ENDOU: variants seen among roughly 807,000 people sequenced by gnomAD.
ENDOU encodes the protein endonuclease, poly(U) specific.
In ENDOU, 49 loss-of-function variants were observed where a neutral mutation model predicts 54.2. That is an observed-to-expected ratio of 0.90 (90% CI 0.72 to 1.15). ENDOU has a LOEUF of 1.15. Among genes scored for constraint, ENDOU ranks in the 50% most tolerant of loss-of-function variants. The pLI, the probability that ENDOU is intolerant of heterozygous loss-of-function variation, is 0.00. For synonymous variants in ENDOU, 172 were observed against 190.5 expected, an observed-to-expected ratio of 0.90 and a Z score of 0.80; for missense variants, 458 against 511.4, an observed-to-expected ratio of 0.90 and a Z score of 1.01.
At chr12:47,712,774 C>T in intron 7 of ENDOU, 152 bp from the exon 8 acceptor site, 1 of 636,476 alleles carries the variant, frequency 1.6e-6, no homozygotes, top group Non-Finnish European at 2.8e-6. Context: ...GAGTCTCTCA[C>T]AGTCCTATCT....
At chr12:47,715,527 T>G (rs11609791) in intron 6 of ENDOU, among the ~76,000 whole-genome samples, 27 of 152,348 alleles carry the variant, frequency 1.8e-4, no homozygotes, top group Middle Eastern at 6.8e-3. Context: ...GTCACTCTTG[T>G]GTCGCTGTCA....
At chr12:47,722,693 G>A (rs1186503626) in intron 1 of ENDOU, among the ~76,000 whole-genome samples, 1 of 152,166 alleles carries the variant, frequency 6.6e-6, no homozygotes, top group Non-Finnish European at 1.5e-5. Flanking sequence ...CCTTGGGCTG[G>A]GTTGTCAGCA....
chr12:47,720,538 G>T, intron 2 of ENDOU: 1 of 409,270 alleles, frequency 2.4e-6, no homozygotes, highest in Non-Finnish European at 4.3e-6. Flanking sequence ...GAAATTCTAG[G>T]TAAATGACAT....
Position 47,716,404 on chromosome 12 carries a change from C to G in ENDOU, c.647G>C (p.Gly216Ala). 1 of 1,614,186 alleles carries G rather than the reference C, an allele frequency of 6.2e-7. No individual in the cohort carries two copies. The highest frequency in any genetic ancestry group is 1.1e-5 in the South Asian group (1 of 91,088). ...LNNYQRATGHGEHFSAQELAE... is the reference protein window; with the variant it reads ...LNNYQRATGHAEHFSAQELAE... ...CAGCTCCTGGGCACTGAAGTGCTCC[C>G]CATGGCCTGTTGCCCGCTGGTAGTT... is the stretch of plus-strand genomic sequence containing the variant. The change falls in exon 6 of 10, where the codon GGG becomes GCG. Residue 216 changes from glycine (G) to alanine (A), a missense_variant. Transcript: ENST00000422538.
chr12:47,715,761 T>C (rs1444703942), intron 6 of ENDOU, among the ~76,000 whole-genome samples: 2 of 152,198 alleles, frequency 1.3e-5, no homozygotes, highest in Non-Finnish European at 2.9e-5. Flanking sequence ...TGTCTCTACC[T>C]GGAGGCTTTC....
chr12:47,712,502 G>T lies in ENDOU; in HGVS notation c.972+14C>A. 1 of 1,584,170 alleles carries T rather than the reference G, an allele frequency of 6.3e-7. No individual in the cohort carries two copies. The highest frequency in any genetic ancestry group is 1.3e-5 in the African/African-American group (1 of 74,426). On this transcript the variant is annotated intron_variant, in intron 8 of 9. Transcript: ENST00000422538. Reference sequence around the variant, plus strand: ...TCTGGGCTCTGACAAGGCTTTTCTAGTCCGTGTACTCACAGGCCCATCGTA... The same window carrying T: ...TCTGGGCTCTGACAAGGCTTTTCTATTCCGTGTACTCACAGGCCCATCGTA...
intron 5 of ENDOU, 72 bp from the exon 6 acceptor site, chr12:47,716,571 A>G (rs1940244120): frequency 6.9e-7 from 1 of 1,447,370 alleles, no homozygotes; most frequent in Non-Finnish European, 9.6e-7. Flanking sequence ...AGACTTCTAG[A>G]CAGGCCAGGG....
rs537036240 is a variant in ENDOU, at chr12:47,713,300, C to T, written c.840G>A (p.Ser280=). ...LYSRGNEEGD[S]SGFEHVFSGE... ...CTGAGAAGACATGTTCAAAGCCACT[C>T]GAGTCCCCCTCTTCATTGCCTCTTG... Residue 280 remains serine (S), a synonymous_variant, in exon 7 of 10, where the codon TCG becomes TCA. Coordinates refer to ENST00000422538, the MANE Select transcript of ENDOU (RefSeq NM_001172439.2). The T allele has an allele frequency of 5.0e-6, 8 of 1,612,994 alleles. No individual in the cohort carries two copies. Among genetic ancestry groups the T allele is most frequent in the African/African-American group, 2.7e-5 (2 of 74,888 alleles).
In ENDOU at chr12:47,713,060, T is replaced by C. The variant is rs74718362; in HGVS notation, c.865+215A>G. Among the ~76,000 whole-genome samples, 41 of 152,204 alleles carry C rather than the reference T, an allele frequency of 2.7e-4. No homozygotes were observed. The East Asian group carries it at 7.0e-3, about 26-fold the overall frequency. ...TGGGAGCCCCAGCATCTGGTCTTCTTTCCCCCTTAGGTACTCCAGAAAAGA... is the reference window on the plus strand; with the variant it reads ...TGGGAGCCCCAGCATCTGGTCTTCTCTCCCCCTTAGGTACTCCAGAAAAGA... On this transcript the variant is annotated intron_variant, in intron 7 of 9. Transcript: ENST00000422538.
intron 1 of ENDOU, among the ~76,000 whole-genome samples, chr12:47,722,393 ACTT>A (rs1940460291): frequency 2.0e-5 from 3 of 152,108 alleles, no homozygotes; most frequent in Admixed American, 2.0e-4. Flanking sequence ...AGTTATTTGA[ACTT>A]CTGTGCGTTG....
chr12:47,721,646 A>G (rs1004647281), intron 1 of ENDOU, among the ~76,000 whole-genome samples: 18 of 152,228 alleles, frequency 1.2e-4, no homozygotes, highest in African/African-American at 4.1e-4. Context: ...GGGCTCTGGC[A>G]TAGCATTCTA....
chr12:47,721,169 A>T (rs1018178765), intron 1 of ENDOU, among the ~76,000 whole-genome samples: 1 of 152,206 alleles, frequency 6.6e-6, no homozygotes, highest in Admixed American at 6.5e-5. Flanking sequence ...GGTATGAGGC[A>T]GTAGGAAGAA....
chr12:47,723,977 C>T (rs2136694987), intron 1 of ENDOU, among the ~76,000 whole-genome samples: 1 of 152,320 alleles, frequency 6.6e-6, no homozygotes, highest in East Asian at 1.9e-4. Flanking sequence ...AGTGCAGAGC[C>T]TCTTCCCTGC....
intron 2 of ENDOU, 141 bp downstream of exon 2, chr12:47,720,612 C>T: frequency 1.2e-6 from 1 of 842,998 alleles, no homozygotes; most frequent in Non-Finnish European, 1.7e-6. Context: ...AAATTCCTGA[C>T]CCTGCCTCTG....
intron 6 of ENDOU, among the ~76,000 whole-genome samples, chr12:47,714,442 C>A (rs1321086342): frequency 6.6e-6 from 1 of 152,190 alleles, no homozygotes; most frequent in Non-Finnish European, 1.5e-5. Context: ...AGTCTTGAGG[C>A]TCATGCTTTG....
chr12:47,716,554 C>A, intron 5 of ENDOU, 55 bp from the exon 6 acceptor site: 1 of 1,543,290 alleles, frequency 6.5e-7, no homozygotes, highest in South Asian at 1.1e-5. Flanking sequence ...GGCAGCGACC[C>A]CTCCAGAGAC....
intron 4 of ENDOU, among the ~76,000 whole-genome samples, chr12:47,717,268 G>A (rs1265362129): frequency 2.0e-5 from 3 of 152,294 alleles, no homozygotes; most frequent in Admixed American, 6.5e-5. Context: ...AATGTCCCCC[G>A]CCCCTTCCCC....
rs149741172 is a variant in ENDOU at position 47,713,610 on chromosome 12, C to T, written c.752-222G>A. On this transcript the variant is annotated intron_variant, in intron 6 of 9. Transcript: ENST00000422538. Reference sequence around the variant, plus strand: ...GATTCAGCTGGGAATAGCAAGGACACGGTCTCTATCTATATTACATTCCAC... The same window carrying T: ...GATTCAGCTGGGAATAGCAAGGACATGGTCTCTATCTATATTACATTCCAC... 1.7e-3 allele frequency among the ~76,000 whole-genome samples: 252 copies of T among 152,218 alleles called. 3 individuals are homozygous for T. The highest frequency in any genetic ancestry group is 5.8e-3 in the African/African-American group (241 of 41,512).
intron 3 of ENDOU, 137 bp downstream of exon 3, chr12:47,717,991 AG>A: frequency 1.3e-6 from 1 of 786,546 alleles, no homozygotes; most frequent in Non-Finnish European, 2.0e-6. Context: ...CTTCCTGCCC[AG>A]GTTCCCAGAA....
Sources: gnomAD v4.1 joint callset for allele counts (sites outside exome capture counted in the v4.1 genomes callset) on GRCh38, gnomAD v4.1.1 for gene constraint, MANE v1.5 for transcripts, NCBI Gene and HGNC (gene_info 2026-07-23, HGNC 2026-07-21) for gene names.